The following SYK variants were observed in gnomAD, a reference collection of about 807,000 sequenced individuals.
SYK encodes the protein spleen associated tyrosine kinase.
SYK carries 16 observed loss-of-function variants against 77.8 expected under a neutral mutation model. The ratio of observed to expected loss-of-function variants is 0.21; its 90% CI spans 0.14 to 0.31. The LOEUF (loss-of-function observed/expected upper bound fraction) is 0.31, where lower values mean the gene tolerates loss of function less well. Ranked by LOEUF, SYK falls within the 10% of genes least tolerant of loss-of-function variation. The pLI, the probability that SYK is intolerant of heterozygous loss-of-function variation, is 1.00. For missense variants in SYK, 529 were observed against 814.4 expected (o/e 0.65, Z 4.26); for synonymous variants, 312 against 308.7 (o/e 1.01, Z -0.11).
chr9:90,861,762 C>A (rs1375732963), intron 3 of SYK, among the ~76,000 whole-genome samples: 4 of 152,320 alleles, frequency 2.6e-5, no homozygotes, highest in Non-Finnish European at 4.4e-5. Context: ...GGTGGTAGAG[C>A]TGTCCATCTT....
At chr9:90,808,108 T>C (rs1298423000) in intron 1 of SYK, among the ~76,000 whole-genome samples, 1 of 152,120 alleles carries the variant, frequency 6.6e-6, no homozygotes, top group Non-Finnish European at 1.5e-5. Flanking sequence ...TGAATGCACT[T>C]TTTCTTTTCA....
chr9:90,881,731 G>A (rs1022961603), intron 11 of SYK, among the ~76,000 whole-genome samples: 3 of 149,014 alleles, frequency 2.0e-5, no homozygotes, highest in African/African-American at 7.4e-5. Context: ...AGTGCTAGCT[G>A]TGGAAGCAAA....
chr9:90,804,830 G>C (rs914537743), intron 1 of SYK, among the ~76,000 whole-genome samples: 2 of 152,186 alleles, frequency 1.3e-5, no homozygotes, highest in African/African-American at 4.8e-5. Context: ...ATTGTGGGAA[G>C]ATGTTTTAAG....
chr9:90,820,166 T>C (rs1825456788), intron 1 of SYK, among the ~76,000 whole-genome samples: 1 of 152,214 alleles, frequency 6.6e-6, no homozygotes, highest in Non-Finnish European at 1.5e-5. Flanking sequence ...TCATGGCTGC[T>C]TTCACAGGTT....
At chr9:90,863,896 C>T (rs185651845) in intron 4 of SYK, among the ~76,000 whole-genome samples, 1 of 152,350 alleles carries the variant, frequency 6.6e-6, no homozygotes, top group East Asian at 1.9e-4. Flanking sequence ...TTAAGCATCT[C>T]TAATTATTGA....
At chr9:90,843,829 C>A (rs898377557) in intron 1 of SYK, 29 bp from the exon 2 acceptor site, 24 of 1,408,308 alleles carry the variant, frequency 1.7e-5, no homozygotes, top group Non-Finnish European at 2.1e-5. Context: ...GGGGTCCTCA[C>A]CAAAGTTCTC....
chr9:90,845,528 G>GA lies in SYK; in HGVS notation c.517dup (p.Ile173AsnfsTer7). On this transcript the variant is annotated frameshift_variant, in exon 3 of 14. Transcript: ENST00000375754. LOFTEE classifies it high-confidence loss of function. ...CATGAAAAAATGCCTTGGTTCCATG[G>GA]AAAAATCTCTCGGGAAGAATCTGAG... 1 of 1,614,224 alleles carries GA rather than the reference G, an allele frequency of 6.2e-7. No individual in the cohort carries two copies. The highest frequency in any genetic ancestry group is 8.5e-7 in the Non-Finnish European group (1 of 1,180,026).
intron 1 of SYK, among the ~76,000 whole-genome samples, chr9:90,827,079 T>C (rs561188690): frequency 6.6e-6 from 1 of 152,122 alleles, no homozygotes; most frequent in Non-Finnish European, 1.5e-5. Flanking sequence ...CATGTTATGA[T>C]GTAGGACTTT....
intron 1 of SYK, among the ~76,000 whole-genome samples, chr9:90,817,041 T>C (rs1477241082): frequency 6.6e-6 from 1 of 152,212 alleles, no homozygotes; most frequent in Non-Finnish European, 1.5e-5. Flanking sequence ...TTGTAAACTT[T>C]CTTAAAACAT....
At chr9:90,814,133 A>G (rs1825204137) in intron 1 of SYK, among the ~76,000 whole-genome samples, 1 of 150,228 alleles carries the variant, frequency 6.7e-6, no homozygotes, top group South Asian at 2.1e-4. Context: ...GATATAGTCA[A>G]CTAGATATTT....
chr9:90,894,495 C>T (rs1346608817), intron 13 of SYK, among the ~76,000 whole-genome samples: 1 of 152,186 alleles, frequency 6.6e-6, no homozygotes, highest in African/African-American at 2.4e-5. Flanking sequence ...TTTGTAGAAG[C>T]CACTCTGCTC....
chr9:90,833,691 T>C (rs1825973034), intron 1 of SYK, among the ~76,000 whole-genome samples: 1 of 152,228 alleles, frequency 6.6e-6, no homozygotes, highest in South Asian at 2.1e-4. Context: ...CTATTGCTCT[T>C]CATCTATAAA....
intron 8 of SYK, 73 bp from the exon 9 acceptor site, chr9:90,874,599 A>G (rs1827857839): frequency 3.3e-6 from 5 of 1,497,740 alleles, no homozygotes; most frequent in African/African-American, 1.4e-5. Flanking sequence ...TCCCATGAAG[A>G]TCATGTTCTT....
Position 90,835,076 on chromosome 9 carries a change from C to G in SYK, c.-41-8782C>G, listed in dbSNP as rs560437877. Among the ~76,000 whole-genome samples, 4 of 152,004 alleles carry G rather than the reference C, an allele frequency of 2.6e-5. No individual in the cohort carries two copies. In the South Asian group the frequency reaches 8.3e-4, roughly 32 times the overall value. On this transcript the variant is annotated intron_variant, in intron 1 of 13. Transcript: ENST00000375754. ...TAGTCTGTACTAGATGAGACAGCCCCCGACCCTACACACATAACAGAGAAG... is the reference window on the plus strand; with the variant it reads ...TAGTCTGTACTAGATGAGACAGCCCGCGACCCTACACACATAACAGAGAAG...
Position 90,859,986 on chromosome 9 carries a change from A to G in SYK, c.579-2220A>G, listed in dbSNP as rs574991716. Among the ~76,000 whole-genome samples, 4 of 148,322 alleles carry G rather than the reference A, an allele frequency of 2.7e-5. No individual in the cohort carries two copies. The East Asian group carries it at 7.9e-4, about 29-fold the overall frequency. ...AACCAGAGTTCAGATCCCATTTATT[A>G]CTACTATCTTTTTTTCTGGAGAGAT... On this transcript the variant is annotated intron_variant, in intron 3 of 13. Coordinates refer to ENST00000375754, the MANE Select transcript of SYK (RefSeq NM_003177.7).
At chr9:90,891,142 CTTTTTTTTTTT>C (rs750370621) in intron 13 of SYK, among the ~76,000 whole-genome samples, 1 of 119,070 alleles carries the variant, frequency 8.4e-6, no homozygotes, top group Admixed American at 8.9e-5. Flanking sequence ...ATGTTGCCTG[CTTTTTTTTTTT>C]TTTTTTTTTT....
At chr9:90,805,152 T>G (rs940535862) in intron 1 of SYK, among the ~76,000 whole-genome samples, 1 of 152,226 alleles carries the variant, frequency 6.6e-6, no homozygotes, top group African/African-American at 2.4e-5. Flanking sequence ...ACACCACGTA[T>G]TGATTTCTGG....
rs578220648 is a variant in SYK at position 90,832,608 on chromosome 9, T to G, written c.-41-11250T>G. The stretch of plus-strand genomic sequence containing the variant: ...CGTACCTCTTCAATACCAGAAAGTC[T>G]TCTTCTGATTCTGCCAGAGCCCAGC... On this transcript the variant is annotated intron_variant, in intron 1 of 13. Coordinates refer to ENST00000375754, the MANE Select transcript of SYK (RefSeq NM_003177.7). Among the ~76,000 whole-genome samples the G allele has an allele frequency of 2.6e-5, 4 of 152,354 alleles. No individual in the cohort carries two copies. The East Asian group carries it at 7.7e-4, about 29-fold the overall frequency.
At chr9:90,831,129 A>G (rs574353521) in intron 1 of SYK, among the ~76,000 whole-genome samples, 2 of 152,172 alleles carry the variant, frequency 1.3e-5, no homozygotes. Context: ...TTCCCAGAGA[A>G]CCACTTATTT....
Sources: allele counts gnomAD v4.1 joint callset (sites outside exome capture counted in the v4.1 genomes callset), GRCh38; gene constraint gnomAD v4.1.1; transcripts MANE v1.5; gene names NCBI Gene and HGNC (gene_info 2026-07-23, HGNC 2026-07-21).